Variants in NRIP1 observed in about 807,000 individuals in gnomAD.
NRIP1 encodes nuclear receptor-interacting protein 1.
In NRIP1, 28 loss-of-function variants were observed where a neutral mutation model predicts 75.0. The observed-to-expected ratio is 0.37, with a 90% CI of 0.28 to 0.51. The LOEUF is 0.51. NRIP1 is among the 20% of genes least tolerant of loss of function. The pLI is 0.92. For missense variants in NRIP1, 1,435 were observed against 1,343.7 expected (o/e 1.07, Z -1.06); for synonymous variants, 526 against 487.6 (o/e 1.08, Z -1.04).
In NRIP1 at chr21:15,041,515, A is replaced by T. The variant is rs112495875; in HGVS notation, c.-458+1980T>A. On this transcript the variant is annotated intron_variant, in intron 2 of 3. Coordinates refer to ENST00000318948, the MANE Select transcript of NRIP1 (RefSeq NM_003489.4). ...AGAAACTTCTTCTTAAAAGGACCTTATGCATTATGATTTCTTTTCAAAATA... is the reference window on the plus strand; with the variant it reads ...AGAAACTTCTTCTTAAAAGGACCTTTTGCATTATGATTTCTTTTCAAAATA... Among the ~76,000 whole-genome samples, 573 of 152,312 alleles carry T rather than the reference A, an allele frequency of 3.8e-3. 7 individuals carry two copies. The highest frequency in any genetic ancestry group is 0.013 in the African/African-American group (549 of 41,578).
intron 3 of NRIP1, among the ~76,000 whole-genome samples, chr21:15,011,217 T>C (rs550529681): frequency 6.6e-6 from 1 of 151,832 alleles, no homozygotes; most frequent in Non-Finnish European, 1.5e-5. Context: ...TGAGATGGAG[T>C]CTTGCTCTGT....
In NRIP1 at chr21:14,961,468, T is replaced by C. The variant is rs748738909; in HGVS notation, c.*3248A>G. 2 of 152,412 alleles carry C rather than the reference T, an allele frequency of 1.3e-5. No individual in the cohort carries two copies. Among genetic ancestry groups the C allele is most frequent in the Non-Finnish European group, 2.9e-5 (2 of 67,890 alleles). The allele number at this position is 152,412 out of a possible 1,614,324, so 9.4% of individuals were successfully genotyped here. On this transcript the variant is annotated 3_prime_UTR_variant, in exon 4 of 4. Coordinates refer to ENST00000318948, the MANE Select transcript of NRIP1 (RefSeq NM_003489.4). ...ATGGTAATGTGCCTATATTCCAGTA[T>C]TGCTAATACTGGGATACTCTTGGAA... is the stretch of plus-strand genomic sequence containing the variant.
In NRIP1 at chr21:15,000,986, T is replaced by C. The variant is rs536814701; in HGVS notation, c.-335+13358A>G. On this transcript the variant is annotated intron_variant, in intron 3 of 3. Transcript: ENST00000318948. The stretch of plus-strand genomic sequence containing the variant: ...TGCTTAAAAATGCTTCTTCACTTGG[T>C]CATTTTCTATAAAAGTATCTGCAAG... Among the ~76,000 whole-genome samples the C allele has an allele frequency of 4.1e-4, 62 of 152,278 alleles. 1 individual carries two copies. In the South Asian group the frequency reaches 7.9e-3, roughly 19 times the overall value.
In NRIP1 at chr21:15,006,472, C is replaced by T. The variant is rs372312740; in HGVS notation, c.-335+7872G>A. ...GAAATAAATAGTCTGGTGGAACAAA[C>T]AGCTGTAATGCTTAAATCACAATAT... On this transcript the variant is annotated intron_variant, in intron 3 of 3. Transcript: ENST00000318948. Among the ~76,000 whole-genome samples, 20 of 152,164 alleles carry T rather than the reference C, an allele frequency of 1.3e-4. 1 individual carries two copies. Among genetic ancestry groups the T allele is most frequent in the Middle Eastern group, 3.2e-3 (1 of 316 alleles).
At position 14,968,166 on chromosome 21, in the gene NRIP1, A is replaced by G. The variant is rs747071046; in HGVS notation, c.27T>C (p.Ser9=). 19 of 1,612,298 alleles carry G rather than the reference A, an allele frequency of 1.2e-5. No homozygotes were observed. The highest frequency in any genetic ancestry group is 1.6e-5 in the Non-Finnish European group (19 of 1,179,184). Residue 9 remains serine, a synonymous_variant, in exon 4 of 4, where the codon TCT becomes TCC. Transcript: ENST00000318948. MTHGEELG[S]DVHQDSIVLT... The stretch of plus-strand genomic sequence containing the variant: ...AAACAATAGAATCCTGGTGCACATC[A>G]GAGCCAAGCTCTTCTCCATGAGTCA...
chr21:15,040,044 G>A (rs1009969269), intron 2 of NRIP1, among the ~76,000 whole-genome samples: 3 of 151,988 alleles, frequency 2.0e-5, no homozygotes, highest in Non-Finnish European at 4.4e-5. Context: ...CTAAAGCACT[G>A]TCTTTTAAAA....
At chr21:15,022,158 T>C (rs1192384278) in intron 2 of NRIP1, among the ~76,000 whole-genome samples, 1 of 152,184 alleles carries the variant, frequency 6.6e-6, no homozygotes. Flanking sequence ...CCATCAGTGA[T>C]AGACTGGATA....
At chr21:15,030,828 C>G (rs1371598310) in intron 2 of NRIP1, among the ~76,000 whole-genome samples, 1 of 144,642 alleles carries the variant, frequency 6.9e-6, no homozygotes, top group South Asian at 2.1e-4. Flanking sequence ...TATGTGTATA[C>G]ACTCTGGAAG....
At chr21:14,986,572 G>C (rs994022121) in intron 3 of NRIP1, among the ~76,000 whole-genome samples, 3 of 152,164 alleles carry the variant, frequency 2.0e-5, no homozygotes, top group African/African-American at 7.2e-5. Context: ...TGTGGGTCCA[G>C]AAAAGATCTC....
At chr21:15,029,904 C>G (rs561217253) in intron 2 of NRIP1, among the ~76,000 whole-genome samples, 4 of 152,316 alleles carry the variant, frequency 2.6e-5, no homozygotes, top group Admixed American at 2.0e-4. Context: ...GAGCAAAACT[C>G]ATATCCTCAC....
chr21:15,003,175 C>A (rs115079156), intron 3 of NRIP1, among the ~76,000 whole-genome samples: 2 of 151,882 alleles, frequency 1.3e-5, no homozygotes, highest in Non-Finnish European at 2.9e-5. Context: ...ACATACATTG[C>A]CACATTTTAA....
chr21:14,982,650 C>G (rs1810404), intron 3 of NRIP1, among the ~76,000 whole-genome samples: 1 of 151,356 alleles, frequency 6.6e-6, no homozygotes, highest in Admixed American at 6.6e-5. Flanking sequence ...TACGGTCACA[C>G]GTCATTTTAT....
intron 1 of NRIP1, among the ~76,000 whole-genome samples, chr21:15,061,701 AAAC>A (rs1211313435): frequency 6.6e-6 from 1 of 152,234 alleles, no homozygotes; most frequent in Admixed American, 6.5e-5. Flanking sequence ...TGCTTTTCCC[AAAC>A]AACAGTTAGA....
intron 3 of NRIP1, among the ~76,000 whole-genome samples, chr21:14,980,966 C>T (rs1245920218): frequency 6.6e-6 from 1 of 152,100 alleles, no homozygotes; most frequent in East Asian, 1.9e-4. Context: ...TCATTACAGG[C>T]TCCAAACACA....
At chr21:15,055,906 C>G (rs1568736657) in intron 1 of NRIP1, among the ~76,000 whole-genome samples, 1 of 151,650 alleles carries the variant, frequency 6.6e-6, no homozygotes, top group Non-Finnish European at 1.5e-5. Context: ...TAATTATTGA[C>G]CCCATTGTAT....
chr21:15,018,999 T>G (rs958089155), intron 2 of NRIP1, among the ~76,000 whole-genome samples: 1 of 152,020 alleles, frequency 6.6e-6, no homozygotes, highest in Non-Finnish European at 1.5e-5. Flanking sequence ...ATGTGTAGTT[T>G]GTGAGTTTTG....
intron 1 of NRIP1, among the ~76,000 whole-genome samples, chr21:15,048,657 AC>A (rs1315092278): frequency 6.6e-6 from 1 of 152,252 alleles, no homozygotes; most frequent in Non-Finnish European, 1.5e-5. Context: ...ATAAAATTTA[AC>A]CTTATTTTGA....
intron 3 of NRIP1, among the ~76,000 whole-genome samples, chr21:14,970,069 G>C (rs143845716): frequency 1.2e-4 from 19 of 152,252 alleles, no homozygotes; most frequent in African/African-American, 4.6e-4. Context: ...TGTTTTTCAG[G>C]GAGTAGGGAG....
At position 15,005,464 on chromosome 21, in the gene NRIP1, T is replaced by C. The variant is rs538858260; in HGVS notation, c.-335+8880A>G. 1.9e-3 allele frequency among the ~76,000 whole-genome samples: 285 copies of C among 152,134 alleles called. 1 individual carries two copies. Among genetic ancestry groups the C allele is most frequent in the Non-Finnish European group, 3.2e-3 (221 of 68,028 alleles). ...ACGCTGAGGCAGTTTCACCGCATAA[T>C]TTTTTTGTTGTTGTTGAATGTCACA... On this transcript the variant is annotated intron_variant, in intron 3 of 3. Transcript: ENST00000318948.
Sources: allele counts gnomAD v4.1 joint callset (sites outside exome capture counted in the v4.1 genomes callset), GRCh38; gene constraint gnomAD v4.1.1; transcripts MANE v1.5; gene names NCBI Gene and HGNC (gene_info 2026-07-23, HGNC 2026-07-21).